Variants in ELP4 observed in about 807,000 individuals in gnomAD.
ELP4 encodes elongator acetyltransferase complex subunit 4.
A neutral mutation model predicts 48.9 loss-of-function variants in ELP4; 51 were observed. That is an observed-to-expected ratio of 1.04 (90% CI 0.83 to 1.32). The LOEUF (loss-of-function observed/expected upper bound fraction) is 1.32, where lower values mean the gene tolerates loss of function less well. Ranked by LOEUF, ELP4 falls within the 40% of genes most tolerant of loss-of-function variation. The probability of loss-of-function intolerance (pLI) is 0.00; values close to 1 mark genes in which losing one functional copy is unlikely to be tolerated. For missense variants in ELP4, 519 were observed against 514.6 expected (o/e 1.01, Z -0.08); for synonymous variants, 210 against 189.2 (o/e 1.11, Z -0.90).
intron 1 of ELP4, chr11:31,511,989 A>G (rs1592070502): frequency 6.6e-6 from 1 of 152,244 alleles, no homozygotes; most frequent in African/African-American, 2.4e-5. Context: ...CAAAGTGCAC[A>G]AAAGTTGAAG....
intron 3 of ELP4, among the ~76,000 whole-genome samples, chr11:31,547,214 A>T (rs2133920223): frequency 6.6e-6 from 1 of 152,324 alleles, no homozygotes; most frequent in East Asian, 1.9e-4. Context: ...TTTTGAAAGG[A>T]TCAACAAAAT....
chr11:31,531,583 A>G (rs967661975), intron 2 of ELP4, among the ~76,000 whole-genome samples: 4 of 152,338 alleles, frequency 2.6e-5, no homozygotes, highest in African/African-American at 9.6e-5. Context: ...TCCTGAGGCA[A>G]GGAGCAATAT....
chr11:31,612,930 A>T (rs1958009179), intron 5 of ELP4, among the ~76,000 whole-genome samples: 1 of 152,198 alleles, frequency 6.6e-6, no homozygotes, highest in African/African-American at 2.4e-5. Flanking sequence ...CTGGAAAACA[A>T]AGAGAATACC....
Position 31,611,853 on chromosome 11 carries a change from G to C in ELP4, c.653+7946G>C, listed in dbSNP as rs1488850184. On this transcript the variant is annotated intron_variant, in intron 5 of 9. Coordinates refer to ENST00000640961, the MANE Select transcript of ELP4 (RefSeq NM_019040.5). ...AGAAAAAACATTTTCTATGGCAGAA[G>C]CTAAGTGGGCAGAGAGGGCAGTGGG... Among the ~76,000 whole-genome samples, 3 of 152,198 alleles carry C rather than the reference G, an allele frequency of 2.0e-5. No homozygotes were observed. In the East Asian group the frequency reaches 5.8e-4, roughly 29 times the overall value.
intron 9 of ELP4, among the ~76,000 whole-genome samples, chr11:31,765,367 A>G (rs1287512888): frequency 6.6e-6 from 1 of 152,204 alleles, no homozygotes; most frequent in African/African-American, 2.4e-5. Flanking sequence ...CTGATAGATG[A>G]TATCAGTTCA....
At chr11:31,734,915 A>C (rs1199522343) in intron 9 of ELP4, among the ~76,000 whole-genome samples, 1 of 152,208 alleles carries the variant, frequency 6.6e-6, no homozygotes, top group Non-Finnish European at 1.5e-5. Context: ...ATCATGAGAA[A>C]GAAGAACAAA....
At chr11:31,692,886 G>A (rs190942288) in intron 9 of ELP4, among the ~76,000 whole-genome samples, 5 of 152,118 alleles carry the variant, frequency 3.3e-5, no homozygotes, top group Admixed American at 2.0e-4. Context: ...GAATACCTCC[G>A]TTTATGCTCT....
chr11:31,573,353 C>A (rs1040193264), intron 3 of ELP4, among the ~76,000 whole-genome samples: 1 of 152,174 alleles, frequency 6.6e-6, no homozygotes, highest in Non-Finnish European at 1.5e-5. Flanking sequence ...GTATTTCTTG[C>A]AGCAGCACCC....
intron 9 of ELP4, among the ~76,000 whole-genome samples, chr11:31,722,341 A>G (rs1946980602): frequency 6.6e-6 from 1 of 152,242 alleles, no homozygotes; most frequent in South Asian, 2.1e-4. Context: ...TGGAATAAAG[A>G]GAATGATAAT....
chr11:31,623,390 T>TATATATATATATATAAAA lies in ELP4; in HGVS notation c.654-3719_654-3718insTATATATATATATAAAAA, dbSNP rs67986763. On this transcript the variant is annotated intron_variant, in intron 5 of 9. Transcript: ENST00000640961. ...ATATATATATATATATATATATATATAAAACTAGAAACATTGCTGGCAAAG... is the reference window on the plus strand; with the variant it reads ...ATATATATATATATATATATATATATATATATATATATATAAAAAAAACTAGAAACATTGCTGGCAAAG... 7.5e-4 allele frequency among the ~76,000 whole-genome samples: 69 copies of TATATATATATATATAAAA among 92,564 alleles called. 1 individual carries two copies. The highest frequency in any genetic ancestry group is 2.4e-3 in the African/African-American group (66 of 27,926). 60.7% of individuals were successfully genotyped at this position (92,564 alleles called of 152,430 possible).
intron 3 of ELP4, among the ~76,000 whole-genome samples, chr11:31,547,808 C>T (rs1956762097): frequency 6.6e-6 from 1 of 152,152 alleles, no homozygotes; most frequent in African/African-American, 2.4e-5. Flanking sequence ...GGACTTCATC[C>T]CTGGGATGCA....
chr11:31,694,170 G>T (rs1344376703), intron 9 of ELP4, among the ~76,000 whole-genome samples: 1 of 152,118 alleles, frequency 6.6e-6, no homozygotes, highest in East Asian at 1.9e-4. Flanking sequence ...AGTTTAATTA[G>T]ATCCCATTTG....
At chr11:31,553,814 T>C (rs937078157) in intron 3 of ELP4, among the ~76,000 whole-genome samples, 16 of 152,042 alleles carry the variant, frequency 1.1e-4, no homozygotes, top group African/African-American at 3.9e-4. Flanking sequence ...CAGTTTTTAA[T>C]GTTTTAAAGC....
chr11:31,683,044 A>G (rs150353524), intron 9 of ELP4, among the ~76,000 whole-genome samples: 1 of 152,276 alleles, frequency 6.6e-6, no homozygotes, highest in Non-Finnish European at 1.5e-5. Flanking sequence ...GTATATTTAC[A>G]TAAATTTATT....
intron 6 of ELP4, among the ~76,000 whole-genome samples, chr11:31,628,614 G>T (rs1412216042): frequency 1.3e-5 from 2 of 151,994 alleles, no homozygotes; most frequent in South Asian, 4.1e-4. Flanking sequence ...CCAAACTGGA[G>T]CTGGTTTGGC....
At chr11:31,568,725 G>A (rs1470170702) in intron 3 of ELP4, among the ~76,000 whole-genome samples, 5 of 152,144 alleles carry the variant, frequency 3.3e-5, no homozygotes, top group South Asian at 2.1e-4. Flanking sequence ...GGCTATCCAC[G>A]TGAAGAGGAA....
chr11:31,687,066 A>G (rs1032808582), intron 9 of ELP4, among the ~76,000 whole-genome samples: 3 of 152,126 alleles, frequency 2.0e-5, no homozygotes, highest in African/African-American at 7.2e-5. Context: ...AGTAAGAGAA[A>G]AGGAGGAGTC....
At chr11:31,544,043 C>T (rs955852046) in intron 3 of ELP4, among the ~76,000 whole-genome samples, 1 of 152,204 alleles carries the variant, frequency 6.6e-6, no homozygotes, top group African/African-American at 2.4e-5. Context: ...ATAGGAACAG[C>T]TCCGGTCTAC....
intron 9 of ELP4, among the ~76,000 whole-genome samples, chr11:31,776,443 T>G (rs1948250181): frequency 6.6e-6 from 1 of 152,230 alleles, no homozygotes; most frequent in Non-Finnish European, 1.5e-5. Context: ...CTAGGAACTG[T>G]GACCTCTGTT....
Sources: gnomAD v4.1 joint callset for allele counts (sites outside exome capture counted in the v4.1 genomes callset) on GRCh38, gnomAD v4.1.1 for gene constraint, MANE v1.5 for transcripts, NCBI Gene and HGNC (gene_info 2026-07-23, HGNC 2026-07-21) for gene names.